The following CNTN4 variants were observed in gnomAD, a reference collection of about 807,000 sequenced individuals.
The protein encoded by CNTN4 is contactin-4.
CNTN4 carries 77 observed loss-of-function variants against 122.5 expected under a neutral mutation model. The observed-to-expected ratio is 0.63, with a 90% CI of 0.52 to 0.76. CNTN4 has a LOEUF of 0.76. Ranked by LOEUF, CNTN4 falls within the 30% of genes least tolerant of loss-of-function variation. The pLI, the probability that CNTN4 is intolerant of heterozygous loss-of-function variation, is 0.00. For missense variants in CNTN4, 1,256 were observed against 1,259.1 expected (o/e 1.00, Z 0.04); for synonymous variants, 512 against 447.0 (o/e 1.15, Z -1.83).
chr3:2,130,201 G>A (rs933092702), intron 2 of CNTN4, among the ~76,000 whole-genome samples: 2 of 152,038 alleles, frequency 1.3e-5, no homozygotes, highest in African/African-American at 4.8e-5. Context: ...TTTAAAAAGG[G>A]AGTCTCAGGA....
At chr3:2,221,026 C>T (rs2039041833) in intron 2 of CNTN4, among the ~76,000 whole-genome samples, 1 of 152,064 alleles carries the variant, frequency 6.6e-6, no homozygotes, top group Admixed American at 6.6e-5. Context: ...TCAAATAATC[C>T]TGCTTGAGTG....
chr3:2,711,065 T>C (rs190003209), intron 4 of CNTN4, among the ~76,000 whole-genome samples: 172 of 152,346 alleles, frequency 1.1e-3, no homozygotes, highest in African/African-American at 3.9e-3. Context: ...AGAGATCTAA[T>C]ATTTTCTGAA....
At chr3:2,199,811 G>A (rs1447858527) in intron 2 of CNTN4, among the ~76,000 whole-genome samples, 1 of 152,156 alleles carries the variant, frequency 6.6e-6, no homozygotes, top group African/African-American at 2.4e-5. Flanking sequence ...CTTTAGGTTA[G>A]GTAGTTGGTG....
chr3:2,443,129 C>T (rs1242038236), intron 3 of CNTN4, among the ~76,000 whole-genome samples: 2 of 147,770 alleles, frequency 1.4e-5, no homozygotes, highest in Non-Finnish European at 1.5e-5. Context: ...ACATGTACCT[C>T]GAAACCTCAA....
intron 2 of CNTN4, among the ~76,000 whole-genome samples, chr3:2,181,148 T>C (rs938434520): frequency 1.3e-5 from 2 of 152,092 alleles, no homozygotes; most frequent in African/African-American, 4.8e-5. Flanking sequence ...CAAAAAATTA[T>C]TATTTAAAAG....
intron 4 of CNTN4, among the ~76,000 whole-genome samples, chr3:2,700,569 T>G (rs767796553): frequency 9.2e-5 from 14 of 152,218 alleles, no homozygotes; most frequent in Non-Finnish European, 1.6e-4. Context: ...TATTTTTGCC[T>G]TGTAGAAATA....
rs553478159 is a variant in CNTN4 at position 2,198,928 on chromosome 3, A to G, written c.-145+98289A>G. On this transcript the variant is annotated intron_variant, in intron 2 of 24. Transcript: ENST00000418658. ...GCCACATTGGTGACATTCAGCACAG[A>G]TGACAGCTTTTGTTCTGAGCAGGCA... is the stretch of plus-strand genomic sequence containing the variant. Among the ~76,000 whole-genome samples the G allele has an allele frequency of 2.6e-5, 4 of 152,290 alleles. No individual in the cohort carries two copies. The South Asian group carries it at 6.2e-4, about 24-fold the overall frequency.
chr3:2,817,997 G>A (rs2092776863), intron 6 of CNTN4, among the ~76,000 whole-genome samples: 2 of 152,090 alleles, frequency 1.3e-5, no homozygotes, highest in South Asian at 2.1e-4. Flanking sequence ...TCAAATCATA[G>A]CACTGATTTG....
chr3:2,352,942 C>G (rs1429791251), intron 3 of CNTN4, among the ~76,000 whole-genome samples: 1 of 152,026 alleles, frequency 6.6e-6, no homozygotes, highest in East Asian at 1.9e-4. Flanking sequence ...AATCAGTGCT[C>G]TGTGTCTAGC....
rs188493802 is a variant in CNTN4, at chr3:2,273,004, A to G, written c.-144-66174A>G. ...GAGGTAGGCATGGGAATTATCTTCA[A>G]AAATATCAACATAGGATATAACTTT... On this transcript the variant is annotated intron_variant, in intron 2 of 24. Transcript: ENST00000418658. 1.5e-3 allele frequency among the ~76,000 whole-genome samples: 223 copies of G among 152,290 alleles called. 1 individual carries two copies. The highest frequency in any genetic ancestry group is 5.0e-3 in the African/African-American group (206 of 41,552).
chr3:2,275,320 C>T (rs1234600949), intron 2 of CNTN4, among the ~76,000 whole-genome samples: 2 of 152,150 alleles, frequency 1.3e-5, no homozygotes, highest in Non-Finnish European at 2.9e-5. Context: ...TCCAATACCA[C>T]ATGGAGAATA....
intron 2 of CNTN4, among the ~76,000 whole-genome samples, chr3:2,118,248 A>G (rs532835049): frequency 1.2e-4 from 19 of 152,338 alleles, no homozygotes; most frequent in African/African-American, 4.6e-4. Flanking sequence ...CAGCTAATAA[A>G]TGGCAATACT....
chr3:3,048,641 G>A (rs575686415), intron 23 of CNTN4, among the ~76,000 whole-genome samples: 36 of 152,248 alleles, frequency 2.4e-4, no homozygotes, highest in African/African-American at 8.7e-4. Flanking sequence ...GGTGAGATTA[G>A]AGGCTGAATA....
intron 2 of CNTN4, among the ~76,000 whole-genome samples, chr3:2,328,405 CA>C (rs1394594627): frequency 6.6e-6 from 1 of 151,772 alleles, no homozygotes; most frequent in Non-Finnish European, 1.5e-5. Context: ...GACTCCGTCT[CA>C]AAAAATAAAA....
At chr3:2,520,967 A>G (rs1239300402) in intron 3 of CNTN4, among the ~76,000 whole-genome samples, 1 of 152,148 alleles carries the variant, frequency 6.6e-6, no homozygotes, top group Non-Finnish European at 1.5e-5. Flanking sequence ...CAAACAAACA[A>G]AATTACTACC....
At chr3:2,262,360 T>C (rs1208279748) in intron 2 of CNTN4, 3 of 152,280 alleles carry the variant, frequency 2.0e-5, no homozygotes, top group Admixed American at 6.5e-5. Flanking sequence ...CGCTAACTGA[T>C]GAAACACTGC....
At chr3:2,168,538 G>A (rs188690942) in intron 2 of CNTN4, among the ~76,000 whole-genome samples, 3 of 151,886 alleles carry the variant, frequency 2.0e-5, no homozygotes, top group Non-Finnish European at 4.4e-5. Flanking sequence ...CATTTAACTC[G>A]AGAGGCTAGA....
intron 14 of CNTN4, among the ~76,000 whole-genome samples, chr3:3,005,621 T>A (rs1017089477): frequency 6.6e-6 from 1 of 152,190 alleles, no homozygotes; most frequent in Non-Finnish European, 1.5e-5. Context: ...AGATCCAGGG[T>A]CTGGCTAGGG....
chr3:2,903,077 A>G (rs1278356900), intron 12 of CNTN4, 72 bp downstream of exon 12: 1 of 1,484,686 alleles, frequency 6.7e-7, no homozygotes, highest in East Asian at 2.3e-5. Flanking sequence ...TTCTTTGCCA[A>G]GCATAAATGT....
Sources: gnomAD v4.1 joint callset for allele counts (sites outside exome capture counted in the v4.1 genomes callset) on GRCh38, gnomAD v4.1.1 for gene constraint, MANE v1.5 for transcripts, NCBI Gene and HGNC (gene_info 2026-07-23, HGNC 2026-07-21) for gene names.